The following PRIMA1 variants were observed in gnomAD, a reference collection of about 807,000 sequenced individuals.
PRIMA1 encodes the protein proline-rich membrane anchor 1.
Under a neutral mutation model 17.5 loss-of-function variants are expected in PRIMA1, and 7 were observed. The observed-to-expected ratio is 0.40, with a 90% confidence interval of 0.23 to 0.75. The LOEUF (loss-of-function observed/expected upper bound fraction) is 0.75, where lower values mean the gene tolerates loss of function less well. Ranked by LOEUF, PRIMA1 falls within the 30% of genes least tolerant of loss-of-function variation. PRIMA1 has a pLI of 0.37. For synonymous variants in PRIMA1, 97 were observed against 77.9 expected (o/e 1.25, Z -1.29); for missense variants, 200 against 201.8 (o/e 0.99, Z 0.05).
chr14:93,730,135 A>C (rs1005431992), intron 4 of PRIMA1, among the ~76,000 whole-genome samples: 5 of 152,194 alleles, frequency 3.3e-5, no homozygotes, highest in African/African-American at 1.2e-4. Context: ...CACAGAAACC[A>C]CCACTGACCA....
intron 4 of PRIMA1, among the ~76,000 whole-genome samples, chr14:93,732,189 A>G (rs1284748399): frequency 3.9e-5 from 6 of 152,248 alleles, no homozygotes; most frequent in Non-Finnish European, 5.9e-5. Context: ...CTGTGCCAGC[A>G]TGGGCGTGTC....
At chr14:93,763,243 C>T (rs954700830) in intron 3 of PRIMA1, among the ~76,000 whole-genome samples, 4 of 152,200 alleles carry the variant, frequency 2.6e-5, no homozygotes, top group Non-Finnish European at 4.4e-5. Context: ...CCCTGCCTCC[C>T]GAGCCTCAGC....
At chr14:93,732,672 G>A (rs185422921) in intron 4 of PRIMA1, among the ~76,000 whole-genome samples, 139 of 152,342 alleles carry the variant, frequency 9.1e-4, no homozygotes, top group Non-Finnish European at 1.1e-3. Context: ...GCATTTATAC[G>A]TCCAAGAGGC....
Position 93,721,399 on chromosome 14 carries a change from G to A in PRIMA1, c.*45C>T, listed in dbSNP as rs768816715. On this transcript the variant is annotated 3_prime_UTR_variant, in exon 5 of 5. Transcript: ENST00000393140. ...CACCTGCTTTCCCATGTCCACCAGT[G>A]CCACCAAGGTGTCCCTCTGGCCAGC... 4.6e-6 allele frequency: 6 copies of A among 1,292,274 alleles called. No homozygotes were observed. Among genetic ancestry groups the A allele is most frequent in the Non-Finnish European group, 4.5e-6 (4 of 891,196 alleles). The allele number at this position is 1,292,274 out of a possible 1,614,324, so 80.1% of individuals were successfully genotyped here. A position where few individuals can be genotyped will look rare whatever the true frequency, so the allele number is the denominator to read the frequency against.
At chr14:93,775,843 G>A (rs1885201937) in intron 3 of PRIMA1, among the ~76,000 whole-genome samples, 1 of 152,106 alleles carries the variant, frequency 6.6e-6, no homozygotes, top group Admixed American at 6.5e-5. Flanking sequence ...ATTTTCCTTT[G>A]GGAAACCACC....
chr14:93,732,106 G>C (rs540607793), intron 4 of PRIMA1, among the ~76,000 whole-genome samples: 1 of 152,206 alleles, frequency 6.6e-6, no homozygotes, highest in Non-Finnish European at 1.5e-5. Flanking sequence ...GAGGGAAATG[G>C]CTGTCCAGTG....
intron 3 of PRIMA1, among the ~76,000 whole-genome samples, chr14:93,757,016 A>G (rs2076295160): frequency 6.6e-6 from 1 of 152,198 alleles, no homozygotes; most frequent in South Asian, 2.1e-4. Flanking sequence ...CAGAGATAGA[A>G]GAAAACCCAA....
chr14:93,733,557 A>G (rs1413388163), intron 4 of PRIMA1, among the ~76,000 whole-genome samples: 1 of 151,782 alleles, frequency 6.6e-6, no homozygotes, highest in African/African-American at 2.4e-5. Context: ...CTCCTCCCTG[A>G]CCTACCCGAT....
chr14:93,722,249 GTGGTAGTGGTGA>G (rs2076044059), intron 4 of PRIMA1, among the ~76,000 whole-genome samples: 1 of 4,232 alleles, frequency 2.4e-4, no homozygotes, highest in African/African-American at 1.5e-3. Context: ...TGGGGTGGTG[GTGGTAGTGGTGA>G]TGCTGGTGGT....
intron 3 of PRIMA1, among the ~76,000 whole-genome samples, chr14:93,742,184 A>G (rs4900194): frequency 0.81 from 123,096 of 152,196 alleles, 51,032 homozygotes; most frequent in Middle Eastern, 0.91. Flanking sequence ...AAAAGAGGCA[A>G]CCAAAGACAC....
At chr14:93,766,599 C>A (rs896131968) in intron 3 of PRIMA1, among the ~76,000 whole-genome samples, 8 of 152,230 alleles carry the variant, frequency 5.3e-5, no homozygotes, top group African/African-American at 1.9e-4. Context: ...GAGCCTCACT[C>A]TAGTCATCAC....
intron 3 of PRIMA1, among the ~76,000 whole-genome samples, chr14:93,766,010 A>G (rs1222563593): frequency 6.6e-6 from 1 of 152,248 alleles, no homozygotes; most frequent in Non-Finnish European, 1.5e-5. Context: ...TAAGAAAAGA[A>G]GAAGCCAAAA....
intron 2 of PRIMA1, among the ~76,000 whole-genome samples, chr14:93,785,682 C>T (rs1011432058): frequency 2.6e-5 from 4 of 152,198 alleles, no homozygotes; most frequent in African/African-American, 9.6e-5. Context: ...TTGCTTAAAG[C>T]CAGATCCATT....
intron 3 of PRIMA1, among the ~76,000 whole-genome samples, chr14:93,773,467 G>A (rs968045032): frequency 6.6e-6 from 1 of 152,250 alleles, no homozygotes; most frequent in African/African-American, 2.4e-5. Context: ...TACCGAGTCA[G>A]GAATTCTGGG....
At chr14:93,763,266 G>A (rs1454476104) in intron 3 of PRIMA1, among the ~76,000 whole-genome samples, 6 of 152,132 alleles carry the variant, frequency 3.9e-5, no homozygotes, top group Non-Finnish European at 8.8e-5. Context: ...CCGGCATCCC[G>A]GGGACTCTGC....
chr14:93,747,509 A>C (rs563986217), intron 3 of PRIMA1, among the ~76,000 whole-genome samples: 1 of 152,230 alleles, frequency 6.6e-6, no homozygotes, highest in South Asian at 2.1e-4. Context: ...GGGAGAAGTC[A>C]TGGGAAGGAT....
intron 3 of PRIMA1, among the ~76,000 whole-genome samples, chr14:93,739,215 G>A (rs2076169649): frequency 6.6e-6 from 1 of 152,052 alleles, no homozygotes; most frequent in African/African-American, 2.4e-5. Flanking sequence ...ACCATGCCCA[G>A]CTAATTTTGT....
rs1337714923 is a variant in PRIMA1 at position 93,726,508 on chromosome 14, C to T, written c.360-4962G>A. On this transcript the variant is annotated intron_variant, in intron 4 of 4. Coordinates refer to ENST00000393140, the MANE Select transcript of PRIMA1 (RefSeq NM_178013.4). The surrounding 1 kb of genome is among the most constrained non-coding windows in gnomAD (Gnocchi z 4.2). Reference sequence around the variant, plus strand: ...ACACCCATACACACACATGAACCTGCGTAACACACACAGGCACGTACACAT... The same window carrying T: ...ACACCCATACACACACATGAACCTGTGTAACACACACAGGCACGTACACAT... Among the ~76,000 whole-genome samples, 4 of 152,090 alleles carry T rather than the reference C, an allele frequency of 2.6e-5. No individual in the cohort carries two copies. The highest frequency in any genetic ancestry group is 5.9e-5 in the Non-Finnish European group (4 of 68,008).
chr14:93,737,259 C>T lies in PRIMA1; in HGVS notation c.341G>A (p.Cys114Tyr), dbSNP rs1244257411. 3.1e-6 allele frequency: 5 copies of T among 1,614,000 alleles called. No homozygotes were observed. The South Asian group carries it at 3.3e-5, about 11-fold the overall frequency. The change falls in exon 4 of 5, where the codon TGC (cysteine) becomes TAC (tyrosine). Residue 114 changes from cysteine (C) to tyrosine (Y), a missense_variant. Coordinates refer to ENST00000393140, the MANE Select transcript of PRIMA1 (RefSeq NM_178013.4). ...LVFLTVLVII[C>Y]YKAIKRKPLR... The stretch of plus-strand genomic sequence containing the variant: ...CACTCACCTTTTTATGGCTTTGTAG[C>T]AAATGATGACAAGCACAGTCAGAAA...
Sources: gnomAD v4.1 joint callset for allele counts (sites outside exome capture counted in the v4.1 genomes callset) on GRCh38, gnomAD v4.1.1 for gene constraint, Gnocchi (gnomAD v3.1) non-coding constraint, MANE v1.5 for transcripts, NCBI Gene and HGNC (gene_info 2026-07-23, HGNC 2026-07-21) for gene names.